ZNF536: variants seen among roughly 807,000 people sequenced by gnomAD.
ZNF536 encodes the protein zinc finger protein 536.
A neutral mutation model predicts 84.5 loss-of-function variants in ZNF536; 13 were observed. The ratio of observed to expected loss-of-function variants is 0.15; its 90% confidence interval spans 0.10 to 0.24. The LOEUF is 0.24. Ranked by LOEUF, ZNF536 falls within the 10% of genes least tolerant of loss-of-function variation. The pLI is 1.00. For missense variants in ZNF536, 1,536 were observed against 1,747.5 expected, an observed-to-expected ratio of 0.88 and a Z score of 2.16; for synonymous variants, 811 against 742.5, an observed-to-expected ratio of 1.09 and a Z score of -1.50.
At chr19:30,321,230 C>G (rs908376694) in intron 2 of ZNF536, among the ~76,000 whole-genome samples, 6 of 152,180 alleles carry the variant, frequency 3.9e-5, no homozygotes, top group Non-Finnish European at 8.8e-5. Context: ...TGGCTCTGGC[C>G]CTACAACTGC....
Position 30,431,029 on chromosome 19 carries a change from G to A in ZNF536, c.-2-12532G>A, listed in dbSNP as rs1163777883. 4.6e-5 allele frequency among the ~76,000 whole-genome samples: 7 copies of A among 152,306 alleles called. No individual in the cohort carries two copies. In the South Asian group the frequency reaches 8.3e-4, roughly 18 times the overall value. The stretch of plus-strand genomic sequence containing the variant: ...AGGTTGAAGCAAGATGAACTGGAGG[G>A]TTATCCATTCTCAAGTCACACTTTA... On this transcript the variant is annotated intron_variant, in intron 1 of 4. Transcript: ENST00000355537.
intron 1 of ZNF536, among the ~76,000 whole-genome samples, chr19:30,598,572 G>T (rs1395300882): frequency 6.6e-6 from 1 of 152,072 alleles, no homozygotes; most frequent in East Asian, 1.9e-4. Context: ...GGCGAGGTGT[G>T]GGGGAGGGAG....
intron 1 of ZNF536, among the ~76,000 whole-genome samples, chr19:30,402,796 A>AAAATATATATATATATAT (rs1555744992): frequency 1.2e-5 from 1 of 85,610 alleles, no homozygotes; most frequent in African/African-American, 3.8e-5. Flanking sequence ...AAAATTAAAA[A>AAAATATATATATATATAT]ATATATATAT....
intron 1 of ZNF536, among the ~76,000 whole-genome samples, chr19:30,234,439 G>A (rs2023318236): frequency 1.9e-5 from 2 of 104,600 alleles, no homozygotes; most frequent in Non-Finnish European, 3.5e-5. Context: ...GTCTTACTCT[G>A]TCCCCAGGCT....
At chr19:30,520,490 C>A (rs1431050605) in intron 2 of ZNF536, among the ~76,000 whole-genome samples, 1 of 152,144 alleles carries the variant, frequency 6.6e-6, no homozygotes, top group African/African-American at 2.4e-5. Context: ...GGTCCTCATA[C>A]CCCCAACTCC....
At chr19:30,281,809 TTTGCAATC>T (rs2045455423) in intron 1 of ZNF536, among the ~76,000 whole-genome samples, 1 of 152,110 alleles carries the variant, frequency 6.6e-6, no homozygotes, top group South Asian at 2.1e-4. Flanking sequence ...TTTTGTCGCC[TTTGCAATC>T]TTCCCCTTCC....
In ZNF536 at chr19:30,612,578, T is replaced by A. The variant is rs192007709; in HGVS notation, c.169+63064T>A. On this transcript the variant is annotated intron_variant, in intron 1 of 1. Coordinates refer to the ZNF536 transcript ENST00000592773. ...GGATTTTCCATTTTGATGTAATGAC[T>A]TGTAGATCTGTTAACTACCTTGTAT... Among the ~76,000 whole-genome samples, 4 of 152,292 alleles carry A rather than the reference T, an allele frequency of 2.6e-5. No individual in the cohort carries two copies. The East Asian group carries it at 7.7e-4, about 29-fold the overall frequency.
Position 30,651,981 on chromosome 19 carries a change from G to T in ZNF536, c.170-58776G>T, listed in dbSNP as rs1365623481. Among the ~76,000 whole-genome samples, 3 of 152,164 alleles carry T rather than the reference G, an allele frequency of 2.0e-5. No homozygotes were observed. In the East Asian group the frequency reaches 5.8e-4, roughly 29 times the overall value. ...TCTGGTCTTCTTTTCTCCTTAAAATGCAGGAAGAATTTTTACCTCTTCTCA... is the reference window on the plus strand; with the variant it reads ...TCTGGTCTTCTTTTCTCCTTAAAATTCAGGAAGAATTTTTACCTCTTCTCA... On this transcript the variant is annotated intron_variant, in intron 1 of 1. Coordinates refer to the ZNF536 transcript ENST00000592773.
intron 1 of ZNF536, among the ~76,000 whole-genome samples, chr19:30,666,820 A>G (rs971223189): frequency 4.1e-5 from 6 of 145,318 alleles, no homozygotes; most frequent in East Asian, 2.2e-4. Flanking sequence ...ATGTGTATAT[A>G]TGTGTGTGTG....
intron 1 of ZNF536, among the ~76,000 whole-genome samples, chr19:30,581,555 A>G (rs899177260): frequency 2.0e-5 from 3 of 152,174 alleles, no homozygotes; most frequent in African/African-American, 7.2e-5. Context: ...CAGCTCTTGC[A>G]GGGGACAGAG....
intron 1 of ZNF536, among the ~76,000 whole-genome samples, chr19:30,602,616 G>A (rs1169748771): frequency 6.6e-6 from 1 of 152,168 alleles, no homozygotes; most frequent in Non-Finnish European, 1.5e-5. Context: ...CTAAGACCAC[G>A]TGTGCATATT....
intron 1 of ZNF536, among the ~76,000 whole-genome samples, chr19:30,270,994 T>A (rs1304166889): frequency 6.6e-6 from 1 of 152,146 alleles, no homozygotes; most frequent in Non-Finnish European, 1.5e-5. Flanking sequence ...TTGTTACCTG[T>A]GGGCAGAAGA....
chr19:30,238,943 T>C (rs943828509), intron 1 of ZNF536, among the ~76,000 whole-genome samples: 1 of 152,098 alleles, frequency 6.6e-6, no homozygotes, highest in Non-Finnish European at 1.5e-5. Flanking sequence ...AAGCATGAAG[T>C]ATAAAATTAA....
At chr19:30,437,541 G>A (rs1463499816) in intron 1 of ZNF536, among the ~76,000 whole-genome samples, 3 of 152,074 alleles carry the variant, frequency 2.0e-5, no homozygotes, top group African/African-American at 7.2e-5. Context: ...CTTCACCCGG[G>A]GCCCCTGCCT....
chr19:30,574,012 T>G (rs190546972), intron 1 of ZNF536, among the ~76,000 whole-genome samples: 1 of 152,336 alleles, frequency 6.6e-6, no homozygotes, highest in African/African-American at 2.4e-5. Flanking sequence ...AAATAGCTGT[T>G]TCTGGATGAT....
At chr19:30,595,853 G>A (rs901031632) in intron 1 of ZNF536, among the ~76,000 whole-genome samples, 1 of 152,160 alleles carries the variant, frequency 6.6e-6, no homozygotes. Flanking sequence ...GGACATAAGA[G>A]GCAGGGAAAG....
intron 1 of ZNF536, among the ~76,000 whole-genome samples, chr19:30,430,240 T>C (rs542331795): frequency 6.6e-6 from 1 of 152,242 alleles, no homozygotes; most frequent in East Asian, 1.9e-4. Flanking sequence ...GATGTTATGC[T>C]GGAGGCCTGC....
At chr19:30,702,239 C>T (rs183492448) in intron 1 of ZNF536, among the ~76,000 whole-genome samples, 10 of 152,318 alleles carry the variant, frequency 6.6e-5, no homozygotes, top group South Asian at 4.1e-4. Flanking sequence ...AAACAATGTA[C>T]GACTTGCTTT....
chr19:30,550,552 G>A (rs1253837887), intron 4 of ZNF536, among the ~76,000 whole-genome samples: 2 of 151,164 alleles, frequency 1.3e-5, no homozygotes. Context: ...CCTGTGGAAG[G>A]AAGGCAGGAA....
Sources: allele counts gnomAD v4.1 joint callset (sites outside exome capture counted in the v4.1 genomes callset), GRCh38; gene constraint gnomAD v4.1.1; transcripts MANE v1.5; gene names NCBI Gene and HGNC (gene_info 2026-07-23, HGNC 2026-07-21).